Variants in GNAQ observed in about 807,000 individuals in gnomAD.
GNAQ encodes the protein guanine nucleotide-binding protein G(q) subunit alpha.
A neutral mutation model predicts 43.9 loss-of-function variants in GNAQ; 8 were observed. The observed-to-expected ratio is 0.18, with a 90% CI of 0.11 to 0.33. The LOEUF is 0.33. GNAQ is among the 10% of genes least tolerant of loss of function. GNAQ has a pLI of 1.00. For missense variants in GNAQ, 158 were observed against 450.8 expected, an observed-to-expected ratio of 0.35 and a Z score of 5.88; for synonymous variants, 155 against 170.7, an observed-to-expected ratio of 0.91 and a Z score of 0.71.
intron 5 of GNAQ, among the ~76,000 whole-genome samples, chr9:77,756,746 T>C (rs558483276): frequency 3.9e-5 from 6 of 152,374 alleles, no homozygotes; most frequent in Admixed American, 2.6e-4. Flanking sequence ...ATACACTCTT[T>C]AAGCAAACAT....
At chr9:77,806,345 T>C (rs1162465579) in intron 3 of GNAQ, among the ~76,000 whole-genome samples, 1 of 152,252 alleles carries the variant, frequency 6.6e-6, no homozygotes, top group East Asian at 1.9e-4. Flanking sequence ...CTTAATTCAG[T>C]TAATTTACAC....
At chr9:77,922,024 T>C (rs1342110693) in intron 2 of GNAQ, 137 bp downstream of exon 2, 3 of 497,238 alleles carry the variant, frequency 6.0e-6, no homozygotes, top group Non-Finnish European at 1.1e-5. Context: ...AAAAGTCTCA[T>C]TTATGATGGG....
At chr9:77,919,640 G>A (rs1828966564) in intron 2 of GNAQ, among the ~76,000 whole-genome samples, 1 of 152,056 alleles carries the variant, frequency 6.6e-6, no homozygotes, top group African/African-American at 2.4e-5. Context: ...ATGATATAGA[G>A]AAAAAGAAAC....
At chr9:77,760,513 A>G (rs570157409) in intron 5 of GNAQ, among the ~76,000 whole-genome samples, 101 of 152,224 alleles carry the variant, frequency 6.6e-4, no homozygotes, top group Non-Finnish European at 1.1e-3. Flanking sequence ...TCAGTGCTCA[A>G]TGGTGCCCAA....
At chr9:77,914,883 G>T (rs1235324851) in intron 2 of GNAQ, among the ~76,000 whole-genome samples, 1 of 150,788 alleles carries the variant, frequency 6.6e-6, no homozygotes, top group Non-Finnish European at 1.5e-5. Flanking sequence ...TCACGTATGG[G>T]ATTTAGATAC....
rs1010505952 is a variant in GNAQ at position 77,964,372 on chromosome 9, G to A, written c.137-42027C>T. 3.3e-5 allele frequency among the ~76,000 whole-genome samples: 5 copies of A among 152,106 alleles called. No individual in the cohort carries two copies. The East Asian group carries it at 7.7e-4, about 23-fold the overall frequency. ...CAATACTTAATAGATCAAGTAGAGA[G>A]AAAAGCAATAAACCAAGTAGAGAGA... On this transcript the variant is annotated intron_variant, in intron 1 of 6. Coordinates refer to ENST00000286548, the MANE Select transcript of GNAQ (RefSeq NM_002072.5).
intron 6 of GNAQ, 74 bp downstream of exon 6, chr9:77,728,440 G>A (rs767337818): frequency 3.8e-4 from 395 of 1,029,058 alleles, no homozygotes; most frequent in Non-Finnish European, 5.0e-4. Context: ...ACTGTAGTGC[G>A]TTAACTCCCA....
At chr9:77,840,780 T>C (rs955666093) in intron 2 of GNAQ, among the ~76,000 whole-genome samples, 10 of 152,244 alleles carry the variant, frequency 6.6e-5, no homozygotes, top group Non-Finnish European at 1.0e-4. Flanking sequence ...AATGTGTTTG[T>C]CTCTAGGGAA....
chr9:77,978,943 C>T (rs1410529327), intron 1 of GNAQ, among the ~76,000 whole-genome samples: 1 of 152,156 alleles, frequency 6.6e-6, no homozygotes, highest in Non-Finnish European at 1.5e-5. Context: ...GTAATCCCAG[C>T]TACTCAGGAG....
intron 2 of GNAQ, among the ~76,000 whole-genome samples, chr9:77,844,224 C>A (rs1402384022): frequency 6.6e-6 from 1 of 152,100 alleles, no homozygotes; most frequent in Non-Finnish European, 1.5e-5. Context: ...ACAATGGAAA[C>A]TACCAAGGGC....
At chr9:77,906,915 A>G (rs1326699711) in intron 2 of GNAQ, among the ~76,000 whole-genome samples, 1 of 152,240 alleles carries the variant, frequency 6.6e-6, no homozygotes, top group East Asian at 1.9e-4. Flanking sequence ...GTATGTGAAT[A>G]TACCATAAAA....
intron 2 of GNAQ, among the ~76,000 whole-genome samples, chr9:77,883,637 G>GCC (rs1441374141): frequency 3.2e-4 from 48 of 149,718 alleles, no homozygotes; most frequent in African/African-American, 1.0e-3. Context: ...TTCAACCCTT[G>GCC]CCCCCGCCCC....
chr9:77,872,341 CA>C (rs963864669), intron 2 of GNAQ, among the ~76,000 whole-genome samples: 1 of 151,532 alleles, frequency 6.6e-6, no homozygotes, highest in African/African-American at 2.4e-5. Flanking sequence ...AGCTTAGAAG[CA>C]AAAAAAATAA....
At chr9:77,759,833 G>A (rs1825962045) in intron 5 of GNAQ, among the ~76,000 whole-genome samples, 1 of 152,020 alleles carries the variant, frequency 6.6e-6, no homozygotes, top group African/African-American at 2.4e-5. Flanking sequence ...TAAATCACTG[G>A]AGTAGACTAC....
chr9:77,959,485 G>C (rs764348774), intron 1 of GNAQ, among the ~76,000 whole-genome samples: 25 of 152,192 alleles, frequency 1.6e-4, no homozygotes, highest in Non-Finnish European at 2.2e-4. Context: ...GACTGCCATT[G>C]CAAGTCAGGA....
intron 1 of GNAQ, among the ~76,000 whole-genome samples, chr9:77,979,738 T>C (rs1316573697): frequency 2.6e-5 from 4 of 152,206 alleles, no homozygotes; most frequent in African/African-American, 4.8e-5. Context: ...ACATGCAACA[T>C]ATATGCCTCA....
At chr9:77,843,034 A>G (rs1827517391) in intron 2 of GNAQ, among the ~76,000 whole-genome samples, 1 of 152,250 alleles carries the variant, frequency 6.6e-6, no homozygotes, top group African/African-American at 2.4e-5. Flanking sequence ...CACACAGACT[A>G]AGGTATGCGT....
chr9:77,904,342 T>C (rs1828668196), intron 2 of GNAQ, among the ~76,000 whole-genome samples: 1 of 67,812 alleles, frequency 1.5e-5, no homozygotes. Flanking sequence ...TTTTTTTTTT[T>C]TTTTTTGTGA....
At chr9:77,994,673 C>T (rs2118532973) in intron 1 of GNAQ, among the ~76,000 whole-genome samples, 1 of 152,328 alleles carries the variant, frequency 6.6e-6, no homozygotes, top group African/African-American at 2.4e-5. Flanking sequence ...AACCAATTTT[C>T]CCTTCCTATC....
Sources: gnomAD v4.1 joint callset for allele counts (sites outside exome capture counted in the v4.1 genomes callset) on GRCh38, gnomAD v4.1.1 for gene constraint, MANE v1.5 for transcripts, NCBI Gene and HGNC (gene_info 2026-07-23, HGNC 2026-07-21) for gene names.